The following TET3 variants were observed in gnomAD, a reference collection of about 807,000 sequenced individuals.
The protein encoded by TET3 is tet methylcytosine dioxygenase 3, also known as methylcytosine dioxygenase TET3.
TET3 carries 19 observed loss-of-function variants against 141.4 expected under a neutral mutation model. The ratio of observed to expected loss-of-function variants is 0.13; its 90% CI spans 0.09 to 0.20. The LOEUF (loss-of-function observed/expected upper bound fraction) is 0.20. TET3 is among the 10% of genes least tolerant of loss of function. TET3 has a pLI of 1.00. For synonymous variants in TET3, 1,043 were observed against 980.9 expected (o/e 1.06, Z -1.18); for missense variants, 1,874 against 2,356.9 (o/e 0.80, Z 4.24).
Position 73,996,659 on chromosome 2 carries a change from C to T in TET3, c.304-6451C>T, listed in dbSNP as rs900964362. On this transcript the variant is annotated intron_variant, in intron 2 of 11. Transcript: ENST00000409262. ...AGTAGCTGGGATTACAGGCATGCAC[C>T]ACCACACCTGAATAATTTTTGTATT... Among the ~76,000 whole-genome samples, 14 of 152,286 alleles carry T rather than the reference C, an allele frequency of 9.2e-5. No homozygotes were observed. In the East Asian group the frequency reaches 2.1e-3, roughly 23 times the overall value.
chr2:74,022,117 T>TTTTC (rs1491060095), intron 3 of TET3, among the ~76,000 whole-genome samples: 3 of 121,896 alleles, frequency 2.5e-5, no homozygotes, highest in African/African-American at 8.2e-5. Context: ...TTTTTTTTTT[T>TTTTC]CCATTTTAAA....
At chr2:74,091,219 G>T (rs1372763105) in intron 8 of TET3, among the ~76,000 whole-genome samples, 2 of 152,126 alleles carry the variant, frequency 1.3e-5, no homozygotes, top group Admixed American at 1.3e-4. Flanking sequence ...CAGCAGATGT[G>T]GTTGCTTCAA....
intron 3 of TET3, among the ~76,000 whole-genome samples, chr2:74,007,206 C>G (rs1000757527): frequency 4.6e-5 from 7 of 152,230 alleles, no homozygotes; most frequent in Non-Finnish European, 8.8e-5. Context: ...CTTTTGACTT[C>G]AGCGTTGTGT....
chr2:74,040,266 G>A (rs1687275763), intron 3 of TET3, among the ~76,000 whole-genome samples: 1 of 152,014 alleles, frequency 6.6e-6, no homozygotes, highest in Non-Finnish European at 1.5e-5. Flanking sequence ...TGTGGTCAGG[G>A]AGGGGGCTTG....
intron 4 of TET3, among the ~76,000 whole-genome samples, chr2:74,062,069 T>C (rs1338830579): frequency 3.9e-5 from 6 of 151,974 alleles, no homozygotes; most frequent in East Asian, 1.9e-4. Flanking sequence ...CCAAGGCAGG[T>C]GGCTGGGAGG....
At chr2:73,984,702 A>G (rs1378706851), upstream of TET3, among the ~76,000 whole-genome samples, 5 of 151,528 alleles carry the variant, frequency 3.3e-5, no homozygotes, top group Non-Finnish European at 7.4e-5. The surrounding 1 kb of genome is among the most constrained non-coding windows in gnomAD (Gnocchi z 5.6). Context: ...GAGCCACTGC[A>G]GGTGCAGAGA....
At chr2:74,108,511 A>ATGTT (rs1414656458), downstream of TET3, among the ~76,000 whole-genome samples, 1 of 150,282 alleles carries the variant, frequency 6.7e-6, no homozygotes, top group African/African-American at 2.5e-5. Flanking sequence ...TTAACTTCTG[A>ATGTT]TGTTTGTTAG....
intron 3 of TET3, among the ~76,000 whole-genome samples, chr2:74,037,945 G>A (rs528363576): frequency 6.6e-6 from 1 of 152,316 alleles, no homozygotes; most frequent in South Asian, 2.1e-4. Context: ...ACTGAACGAG[G>A]TGTTTGGGGA....
chr2:74,049,561 A>G (rs923322717), intron 4 of TET3, among the ~76,000 whole-genome samples: 5 of 152,174 alleles, frequency 3.3e-5, no homozygotes, highest in Non-Finnish European at 5.9e-5. Context: ...TCAGATGTTG[A>G]CAGAAAACAC....
chr2:74,133,424 C>G, the TET3 span, among the ~76,000 whole-genome samples: 1 of 152,250 alleles, frequency 6.6e-6, no homozygotes, highest in Non-Finnish European at 1.5e-5. Flanking sequence ...AACCTGCAGT[C>G]AGGATGCCAG....
chr2:73,997,026 C>T (rs1294728891), intron 2 of TET3, among the ~76,000 whole-genome samples: 1 of 152,238 alleles, frequency 6.6e-6, no homozygotes, highest in Non-Finnish European at 1.5e-5. Flanking sequence ...TGTGTCCTAC[C>T]TCTACCACAC....
At chr2:74,003,271 C>A in intron 3 of TET3, 105 bp downstream of exon 3, 1 of 1,447,268 alleles carries the variant, frequency 6.9e-7, no homozygotes, top group Non-Finnish European at 9.4e-7. Flanking sequence ...ATCCCTTAAT[C>A]TCCCACTGTG....
At chr2:74,061,378 C>T in intron 4 of TET3, among the ~76,000 whole-genome samples, 1 of 142,500 alleles carries the variant, frequency 7.0e-6, no homozygotes, top group Admixed American at 6.8e-5. Context: ...GGCTGACCCC[C>T]CCACCTCCCT....
intron 4 of TET3, among the ~76,000 whole-genome samples, chr2:74,060,486 T>A (rs780089116): frequency 8.5e-5 from 13 of 152,344 alleles, no homozygotes; most frequent in Non-Finnish European, 1.5e-4. Flanking sequence ...TAAGTCACCA[T>A]CCATATGTAA....
In TET3 at chr2:74,102,014, G is replaced by T. The variant is rs1691250286; in HGVS notation, c.5226G>T (p.Lys1742Asn). The change falls in exon 12 of 12, where the codon AAG becomes AAT. Residue 1742 changes from lysine (K) to asparagine (N), a missense_variant. By Grantham distance (94) the Lys-to-Asn change is moderately conservative. Coordinates refer to ENST00000409262, the MANE Select transcript of TET3 (RefSeq NM_001287491.2). The stretch of plus-strand genomic sequence containing the variant: ...AGCAGGAGGCCAAGCTCTACGGGAA[G>T]AAGCGCAAGTGGGGGGGCACTGTGG... ...LGQQEAKLYG[K>N]KRKWGGTVVA... 8 of 1,584,984 alleles carry T rather than the reference G, an allele frequency of 5.0e-6. No individual in the cohort carries two copies. Among genetic ancestry groups the T allele is most frequent in the Non-Finnish European group, 6.0e-6 (7 of 1,163,478 alleles).
intron 4 of TET3, among the ~76,000 whole-genome samples, chr2:74,069,197 A>C (rs1422997167): frequency 2.0e-5 from 3 of 151,562 alleles, no homozygotes; most frequent in Non-Finnish European, 2.9e-5. Flanking sequence ...TTGGGGGATA[A>C]GGTATTAAGT....
At chr2:74,050,165 A>G (rs902896846) in intron 4 of TET3, among the ~76,000 whole-genome samples, 2 of 152,306 alleles carry the variant, frequency 1.3e-5, no homozygotes, top group African/African-American at 4.8e-5. Context: ...TATGGATATT[A>G]TGTGTGGTCA....
At chr2:74,010,304 G>A (rs900005882) in intron 3 of TET3, among the ~76,000 whole-genome samples, 1 of 152,226 alleles carries the variant, frequency 6.6e-6, no homozygotes, top group Non-Finnish European at 1.5e-5. Flanking sequence ...CATGTGGGGG[G>A]TGTTGCTCCC....
At chr2:74,034,011 G>C (rs1246338761) in intron 3 of TET3, among the ~76,000 whole-genome samples, 1 of 151,980 alleles carries the variant, frequency 6.6e-6, no homozygotes, top group Non-Finnish European at 1.5e-5. Flanking sequence ...CAGGAGAATC[G>C]CTTGAACCCA....
Sources: allele counts gnomAD v4.1 joint callset (sites outside exome capture counted in the v4.1 genomes callset), GRCh38; gene constraint gnomAD v4.1.1; non-coding constraint Gnocchi (gnomAD v3.1); transcripts MANE v1.5; gene names NCBI Gene and HGNC (gene_info 2026-07-23, HGNC 2026-07-21).